RAB9B: variants seen among roughly 807,000 people sequenced by gnomAD.
The protein encoded by RAB9B is RAB9B, member RAS oncogene family, also known as ras-related protein Rab-9B.
A neutral mutation model predicts 8.9 loss-of-function variants in RAB9B; 1 was observed. The observed-to-expected ratio is 0.11, with a 90% CI of 0.04 to 0.53. The LOEUF (loss-of-function observed/expected upper bound fraction) is 0.53, where lower values mean the gene tolerates loss of function less well. Among genes scored for constraint, RAB9B ranks in the 20% least tolerant of loss-of-function variants. RAB9B has a pLI of 0.93. For missense variants in RAB9B, 82 were observed against 152.9 expected (o/e 0.54, Z 2.45); for synonymous variants, 63 against 57.0 (o/e 1.10, Z -0.47).
the RAB9B span, chrX:103,785,976 C>CCG: frequency 1.8e-6 from 1 of 544,756 alleles, no homozygotes; most frequent in Non-Finnish European, 2.9e-6. Context: ...CTGTCAGCCC[C>CCG]TCCCACCCCC....
At chrX:103,781,355 C>T in the RAB9B span, 2 of 309,561 alleles carry the variant, frequency 6.5e-6, no homozygotes, top group South Asian at 2.9e-5. Flanking sequence ...CTGTGAAGAG[C>T]GCTGGTGAGA....
At chrX:103,820,625 A>G (rs1466215816), downstream of RAB9B, among the ~76,000 whole-genome samples, 1 of 111,397 alleles carries the variant, frequency 9.0e-6, no homozygotes, top group Non-Finnish European at 1.9e-5. Context: ...GAAAAACATT[A>G]AAGACAGGAA....
At chrX:103,788,544 G>A in the RAB9B span, 38 of 998,964 alleles carry the variant, frequency 3.8e-5, no homozygotes, top group South Asian at 5.7e-4. Context: ...TTACAAGGGA[G>A]TAGCTAATAC....
At chrX:103,819,741 AAG>A (rs773949474), downstream of RAB9B, among the ~76,000 whole-genome samples, 5 of 112,282 alleles carry the variant, frequency 4.5e-5, no homozygotes, top group Non-Finnish European at 7.5e-5. Context: ...CCTTCTCTTA[AAG>A]AGAAAGTAGT....
downstream of RAB9B, among the ~76,000 whole-genome samples, chrX:103,822,151 A>G (rs1397450151): frequency 1.8e-5 from 2 of 111,767 alleles, no homozygotes; most frequent in East Asian, 5.6e-4. Flanking sequence ...TTTGCTTCAC[A>G]ATCAGTATAG....
chrX:103,803,110 A>G, the RAB9B span, among the ~76,000 whole-genome samples: 1 of 112,071 alleles, frequency 8.9e-6, no homozygotes, highest in Admixed American at 9.5e-5. Flanking sequence ...GTTAATGAGC[A>G]TTTGGGGTTT....
chrX:103,784,316 T>C, the RAB9B span, among the ~76,000 whole-genome samples: 1 of 111,801 alleles, frequency 8.9e-6, no homozygotes, highest in Non-Finnish European at 1.9e-5. Context: ...TTTCATGCTT[T>C]GCTGACTTTG....
the RAB9B span, among the ~76,000 whole-genome samples, chrX:103,782,213 C>T: frequency 3.6e-5 from 4 of 111,844 alleles, no homozygotes; most frequent in South Asian, 1.5e-3. Flanking sequence ...AAGAGATGAA[C>T]ATCTGATGCT....
At chrX:103,804,586 T>C in the RAB9B span, among the ~76,000 whole-genome samples, 1 of 111,823 alleles carries the variant, frequency 8.9e-6, no homozygotes, top group Non-Finnish European at 1.9e-5. Context: ...CCAGGGATTA[T>C]ATTGATTCTA....
chrX:103,786,668 C>T, the RAB9B span: 2 of 1,209,169 alleles, frequency 1.7e-6, no homozygotes, highest in South Asian at 1.8e-5. Context: ...CAACATCAAG[C>T]TCATTCTTTG....
At chrX:103,797,401 A>G in the RAB9B span, among the ~76,000 whole-genome samples, 1 of 112,475 alleles carries the variant, frequency 8.9e-6, no homozygotes, top group Non-Finnish European at 1.9e-5. Flanking sequence ...TTTATTCCAG[A>G]GAACAGTTTG....
the RAB9B span, among the ~76,000 whole-genome samples, chrX:103,813,745 C>CAAAAAAAAAAAAAAAAAA: frequency 2.3e-4 from 2 of 8,542 alleles, 1 homozygote; most frequent in Non-Finnish European, 3.8e-4. Context: ...AAATGGAAAG[C>CAAAAAAAAAAAAAAAAAA]AAAAAAAAAA....
chrX:103,806,768 T>C, the RAB9B span, among the ~76,000 whole-genome samples: 1 of 111,814 alleles, frequency 8.9e-6, no homozygotes, highest in Non-Finnish European at 1.9e-5. Flanking sequence ...TTATGTATTT[T>C]GAGGCTCTAT....
At chrX:103,818,419 T>TA (rs1310429099), downstream of RAB9B, among the ~76,000 whole-genome samples, 2 of 111,510 alleles carry the variant, frequency 1.8e-5, no homozygotes, top group African/African-American at 6.5e-5. Flanking sequence ...TTAAAATTAA[T>TA]AAAAAATTCA....
the RAB9B span, chrX:103,788,313 G>A: frequency 1.7e-6 from 1 of 595,908 alleles, no homozygotes; most frequent in East Asian, 3.2e-5. Flanking sequence ...GATCCTGATT[G>A]TTGGTAGAAT....
chrX:103,817,647 T>C (rs2074644800), downstream of RAB9B, among the ~76,000 whole-genome samples: 1 of 110,213 alleles, frequency 9.1e-6, no homozygotes, highest in Non-Finnish European at 1.9e-5. Flanking sequence ...GTTTAGTCTA[T>C]GGCGGAACAC....
At chrX:103,795,643 A>G in the RAB9B span, among the ~76,000 whole-genome samples, 1 of 112,222 alleles carries the variant, frequency 8.9e-6, no homozygotes, top group Non-Finnish European at 1.9e-5. Flanking sequence ...TGTACCAGAT[A>G]GAAATTTGGT....
chrX:103,779,318 GC>G, the RAB9B span, among the ~76,000 whole-genome samples: 1 of 112,463 alleles, frequency 8.9e-6, no homozygotes, highest in East Asian at 2.8e-4. Context: ...TCCAAAAGTG[GC>G]TGTTTGCCAA....
At chrX:103,811,654 T>C in the RAB9B span, among the ~76,000 whole-genome samples, 1 of 111,072 alleles carries the variant, frequency 9.0e-6, no homozygotes, top group Non-Finnish European at 1.9e-5. Context: ...ATTTAGTATA[T>C]ACAAAAAAAT....
Sources: allele counts gnomAD v4.1 joint callset (sites outside exome capture counted in the v4.1 genomes callset), GRCh38; gene constraint gnomAD v4.1.1; transcripts MANE v1.5; gene names NCBI Gene and HGNC (gene_info 2026-07-23, HGNC 2026-07-21).